NCK1: variants seen among roughly 807,000 people sequenced by gnomAD.
NCK1 encodes NCK adaptor protein 1, also known as SH2/SH3 adapter protein NCK1.
A neutral mutation model predicts 36.6 loss-of-function variants in NCK1; 19 were observed. The ratio of observed to expected loss-of-function variants is 0.52; its 90% confidence interval spans 0.36 to 0.76. The LOEUF is 0.76. NCK1 is among the 30% of genes least tolerant of loss of function. The pLI, the probability that NCK1 is intolerant of heterozygous loss-of-function variation, is 0.00. For missense variants in NCK1, 358 were observed against 445.6 expected, an observed-to-expected ratio of 0.80 and a Z score of 1.77; for synonymous variants, 165 against 156.0, an observed-to-expected ratio of 1.06 and a Z score of -0.43.
intron 2 of NCK1, among the ~76,000 whole-genome samples, chr3:136,939,860 TTTA>T (rs796398989): frequency 0.028 from 656 of 23,436 alleles, 9 homozygotes; most frequent in East Asian, 0.046. Context: ...TTTTTTTTTT[TTTA>T]AAATAGAGAC....
At chr3:136,863,100 G>A (rs549201735) in intron 1 of NCK1, among the ~76,000 whole-genome samples, 1 of 152,092 alleles carries the variant, frequency 6.6e-6, no homozygotes, top group African/African-American at 2.4e-5. Context: ...GGACGTAACC[G>A]TAGGAACGCT....
chr3:136,900,802 A>C (rs1411405575), intron 1 of NCK1, among the ~76,000 whole-genome samples: 1 of 152,124 alleles, frequency 6.6e-6, no homozygotes, highest in African/African-American at 2.4e-5. Context: ...AGCAGAACTA[A>C]GTTTTTTGGT....
At chr3:136,940,354 T>G (rs575915830) in intron 2 of NCK1, among the ~76,000 whole-genome samples, 26 of 152,218 alleles carry the variant, frequency 1.7e-4, no homozygotes, top group Non-Finnish European at 3.8e-4. Context: ...GTTCTGTCCC[T>G]TACAGAAAGT....
At chr3:136,875,299 G>A (rs1286915821) in intron 1 of NCK1, among the ~76,000 whole-genome samples, 1 of 152,058 alleles carries the variant, frequency 6.6e-6, no homozygotes, top group African/African-American at 2.4e-5. Flanking sequence ...GGGTTTTCTA[G>A]ATATACAATC....
intron 1 of NCK1, among the ~76,000 whole-genome samples, chr3:136,916,099 G>A (rs1001336326): frequency 3.9e-5 from 6 of 152,064 alleles, no homozygotes; most frequent in Admixed American, 3.3e-4. Context: ...GAACAACAAG[G>A]GGGGAAATCT....
intron 1 of NCK1, among the ~76,000 whole-genome samples, chr3:136,898,385 C>CA (rs36033316): frequency 0.079 from 6,007 of 76,280 alleles, 174 homozygotes; most frequent in East Asian, 0.24. Flanking sequence ...GACTCCCTCT[C>CA]AAAAAAAAAA....
At chr3:136,887,604 T>G (rs574209899) in intron 1 of NCK1, among the ~76,000 whole-genome samples, 1 of 152,362 alleles carries the variant, frequency 6.6e-6, no homozygotes, top group African/African-American at 2.4e-5. Context: ...AAGTTATTTG[T>G]CACCTGGAAC....
At chr3:136,934,588 T>C (rs958795006) in intron 2 of NCK1, among the ~76,000 whole-genome samples, 1 of 151,970 alleles carries the variant, frequency 6.6e-6, no homozygotes, top group Admixed American at 6.6e-5. Context: ...GCCTGTCCTG[T>C]TGTACATATT....
At chr3:136,893,874 AT>A (rs1393181964) in intron 1 of NCK1, among the ~76,000 whole-genome samples, 1 of 152,024 alleles carries the variant, frequency 6.6e-6, no homozygotes, top group East Asian at 1.9e-4. Flanking sequence ...CCTATTCTAG[AT>A]TTCCTTTATG....
intron 1 of NCK1, among the ~76,000 whole-genome samples, chr3:136,889,972 C>T (rs2108087306): frequency 6.6e-6 from 1 of 152,332 alleles, no homozygotes; most frequent in South Asian, 2.1e-4. Context: ...GCAGGTGGAG[C>T]TGCCTGCCAG....
At chr3:136,866,147 T>C (rs909685913) in intron 1 of NCK1, among the ~76,000 whole-genome samples, 11 of 152,210 alleles carry the variant, frequency 7.2e-5, no homozygotes, top group Non-Finnish European at 1.2e-4. Flanking sequence ...AACAGTCTGC[T>C]CAAACCTGTT....
intron 1 of NCK1, among the ~76,000 whole-genome samples, chr3:136,871,378 A>G (rs1212494811): frequency 6.6e-6 from 1 of 152,092 alleles, no homozygotes; most frequent in African/African-American, 2.4e-5. Flanking sequence ...AGCTTGGGGG[A>G]CAGAGCGAGA....
chr3:136,943,611 T>C (rs1940732420), intron 2 of NCK1, among the ~76,000 whole-genome samples: 1 of 152,240 alleles, frequency 6.6e-6, no homozygotes, highest in Admixed American at 6.5e-5. Flanking sequence ...ATTTATTCAT[T>C]CAGCATGTTT....
intron 1 of NCK1, among the ~76,000 whole-genome samples, chr3:136,870,668 A>G (rs1298613398): frequency 1.6e-5 from 2 of 124,930 alleles, no homozygotes; most frequent in African/African-American, 6.2e-5. Context: ...TTTTCTTTTC[A>G]TTTCTTAGCT....
chr3:136,893,437 G>T (rs1238115740), intron 1 of NCK1, among the ~76,000 whole-genome samples: 1 of 151,970 alleles, frequency 6.6e-6, no homozygotes, highest in Non-Finnish European at 1.5e-5. Context: ...TTGGCCATTT[G>T]TGTATCTTCG....
chr3:136,906,607 C>G (rs762766780), intron 1 of NCK1, among the ~76,000 whole-genome samples: 2 of 152,092 alleles, frequency 1.3e-5, no homozygotes, highest in Non-Finnish European at 2.9e-5. Flanking sequence ...ACAGGTGAGC[C>G]AGGCAGGTTG....
intron 1 of NCK1, among the ~76,000 whole-genome samples, chr3:136,885,431 C>G (rs879373799): frequency 1.4e-4 from 22 of 152,114 alleles, no homozygotes; most frequent in Non-Finnish European, 2.4e-4. Flanking sequence ...CAGCTCCTTA[C>G]GTAGCTGGAA....
intron 1 of NCK1, among the ~76,000 whole-genome samples, chr3:136,908,111 T>TA (rs564746412): frequency 3.8e-4 from 58 of 152,166 alleles, no homozygotes; most frequent in Non-Finnish European, 6.2e-4. Context: ...AGTAAAAACA[T>TA]ACATTATAGT....
At chr3:136,896,163 A>G (rs750076113) in intron 1 of NCK1, among the ~76,000 whole-genome samples, 20 of 152,262 alleles carry the variant, frequency 1.3e-4, no homozygotes, top group Non-Finnish European at 2.5e-4. Flanking sequence ...CCTCTCTTCT[A>G]TCTACTTTGA....
Sources: allele counts gnomAD v4.1 joint callset (sites outside exome capture counted in the v4.1 genomes callset), GRCh38; gene constraint gnomAD v4.1.1; transcripts MANE v1.5; gene names NCBI Gene and HGNC (gene_info 2026-07-23, HGNC 2026-07-21).